Variants in AKNA observed in about 807,000 individuals in gnomAD.
The protein encoded by AKNA is AT-hook transcription factor, also known as microtubule organization protein AKNA.
Under a neutral mutation model 138.8 loss-of-function variants are expected in AKNA, and 67 were observed. The observed-to-expected ratio is 0.48, with a 90% CI of 0.40 to 0.59. The LOEUF is 0.59. Among genes scored for constraint, AKNA ranks in the 20% least tolerant of loss-of-function variants. AKNA has a pLI of 0.00. For synonymous variants in AKNA, 737 were observed against 754.4 expected (o/e 0.98, Z 0.38); for missense variants, 1,813 against 1,880.4 (o/e 0.96, Z 0.66).
chr9:114,356,646 T>C (rs924028326), intron 13 of AKNA, among the ~76,000 whole-genome samples: 2 of 152,224 alleles, frequency 1.3e-5, no homozygotes, highest in South Asian at 4.1e-4. Flanking sequence ...AGTCTGTCGC[T>C]AATTAGCTAT....
chr9:114,364,769 C>T, intron 6 of AKNA, 150 bp from the exon 7 acceptor site: 1 of 732,648 alleles, frequency 1.4e-6, no homozygotes, highest in South Asian at 1.7e-5. Context: ...GTGCTGGGAA[C>T]AGCTTCTACC....
At chr9:114,361,651 C>T (rs749958124) in intron 9 of AKNA, 53 bp downstream of exon 9, 269 of 1,586,842 alleles carry the variant, frequency 1.7e-4, no homozygotes, top group Non-Finnish European at 2.2e-4. Context: ...AATGAATTAA[C>T]GAAGAAATGA....
chr9:114,355,268 C>T (rs979502124), intron 14 of AKNA, among the ~76,000 whole-genome samples: 7 of 151,300 alleles, frequency 4.6e-5, no homozygotes, highest in Admixed American at 3.3e-4. Context: ...TTCCACCTCC[C>T]GGGTTCAAGC....
Position 114,350,974 on chromosome 9 carries a change from G to A in AKNA, c.3106C>T (p.Pro1036Ser), listed in dbSNP as rs1253643607. The A allele has an allele frequency of 1.2e-6, 2 of 1,613,522 alleles. No individual in the cohort carries two copies. Among genetic ancestry groups the A allele is most frequent in the East Asian group, 2.2e-5 (1 of 44,876 alleles). The change falls in exon 15 of 22, where the codon CCC becomes TCC. Residue 1036 changes from proline (P) to serine (S), a missense_variant. Pro to Ser is a moderately conservative substitution (Grantham distance 74). Transcript: ENST00000374088. The part of the protein sequence containing the change: ...FEGHKRISEQ[P>S]LPNKTISPPP... ...GGGCTGATTGTCTTGTTGGGAAGGG[G>A]CTGTTCAGAAATCCGTTTGTGCCCC...
chr9:114,397,805 C>G (rs1589051743), upstream of AKNA, among the ~76,000 whole-genome samples: 1 of 152,192 alleles, frequency 6.6e-6, no homozygotes, highest in Non-Finnish European at 1.5e-5. Context: ...CCGTTCAGTT[C>G]CTACCATTGT....
upstream of AKNA, among the ~76,000 whole-genome samples, chr9:114,390,543 C>T (rs925776722): frequency 2.0e-4 from 30 of 152,204 alleles, no homozygotes; most frequent in African/African-American, 7.2e-4. Flanking sequence ...CCTGGATCGG[C>T]CTTGCCTGGA....
chr9:114,334,594 C>G lies in AKNA; in HGVS notation c.*2460G>C, dbSNP rs766012585. Reference sequence around the variant, plus strand: ...GGTGGAGCCAAGCCCGAGGCACAGCCCACTCAGTGGCACAAGCCACAAAGG... The same window carrying G: ...GGTGGAGCCAAGCCCGAGGCACAGCGCACTCAGTGGCACAAGCCACAAAGG... On this transcript the variant is annotated 3_prime_UTR_variant, in exon 22 of 22. Transcript: ENST00000374088. 6.8e-6 allele frequency: 1 copy of G among 147,114 alleles called. No homozygotes were observed. The highest frequency in any genetic ancestry group is 1.5e-5 in the Non-Finnish European group (1 of 68,004). The allele number at this position is 147,114 out of a possible 1,614,324, so 9.1% of individuals were successfully genotyped here.
chr9:114,376,748 C>T lies in AKNA; in HGVS notation c.1059G>A (p.Gln353=). Reference sequence around the variant, plus strand: ...AGAAATCAGGGAGTGGGTAGTTCAACTGCCCCCGGCCATACTTGGGGGCAT... The same window carrying T: ...AGAAATCAGGGAGTGGGTAGTTCAATTGCCCCCGGCCATACTTGGGGGCAT... ...SSNAPKYGRG[Q]LNYPLPDFSK... is the part of the protein sequence containing the mutation. Residue 353 remains glutamine (Q), a synonymous_variant, in exon 3 of 22, where the codon CAG becomes CAA. Coordinates refer to ENST00000374088, the MANE Select transcript of AKNA (RefSeq NM_001317950.2). 6.2e-7 allele frequency: 1 copy of T among 1,612,654 alleles called. No individual in the cohort carries two copies. Among genetic ancestry groups the T allele is most frequent in the Non-Finnish European group, 8.5e-7 (1 of 1,179,200 alleles).
rs1350143773 is a variant in AKNA, at chr9:114,356,048, T to C, written c.2935A>G (p.Arg979Gly). ...YPKARGSLIP[R>G]RATEPSTPRS... ...GGTGTGCTGGGCTCTGTGGCTCTTC[T>C]GGGAATCAGAGAACCCCTGGCCTTG... The change falls in exon 14 of 22, where the codon AGA (arginine) becomes GGA (glycine). Residue 979 changes from arginine to glycine, a missense_variant. Coordinates refer to ENST00000374088, the MANE Select transcript of AKNA (RefSeq NM_001317950.2). 3.7e-6 allele frequency: 6 copies of C among 1,614,140 alleles called. No homozygotes were observed. The highest frequency in any genetic ancestry group is 5.1e-6 in the Non-Finnish European group (6 of 1,180,024).
intron 18 of AKNA, 54 bp downstream of exon 18, chr9:114,345,809 A>G: frequency 2.5e-5 from 39 of 1,566,430 alleles, no homozygotes; most frequent in Non-Finnish European, 3.4e-5. Flanking sequence ...ATAACAGAGG[A>G]GCCCCCGCTG....
chr9:114,391,757 G>C (rs1446421633), upstream of AKNA, among the ~76,000 whole-genome samples: 1 of 150,862 alleles, frequency 6.6e-6, no homozygotes, highest in African/African-American at 2.4e-5. Context: ...GGGAGGCTGA[G>C]GCAGGACAAT....
Position 114,377,235 on chromosome 9 carries a change from G to A in AKNA, c.572C>T (p.Pro191Leu), listed in dbSNP as rs1833303042. ...CCTTGCCGGGCTGAGTTCAACGGAT[G>A]GGTTGACCTCGGAATGTTCAGAAAG... ...DKLSEHSEVN[P>L]SVELSPARSW... Residue 191 changes from proline (P) to leucine (L), a missense_variant, in exon 3 of 22, where the codon CCA becomes CTA. Coordinates refer to ENST00000374088, the MANE Select transcript of AKNA (RefSeq NM_001317950.2). 3 of 1,614,192 alleles carry A rather than the reference G, an allele frequency of 1.9e-6. No homozygotes were observed. The highest frequency in any genetic ancestry group is 1.6e-4 in the Middle Eastern group (1 of 6,062).
intron 6 of AKNA, among the ~76,000 whole-genome samples, chr9:114,365,772 A>T (rs1832301870): frequency 6.6e-6 from 1 of 152,188 alleles, no homozygotes; most frequent in Non-Finnish European, 1.5e-5. Flanking sequence ...GAAATCTGGC[A>T]TGTGTTTCAT....
At chr9:114,362,585 T>C (rs1455960439) in intron 7 of AKNA, 52 bp from the exon 8 acceptor site, 2 of 1,582,696 alleles carry the variant, frequency 1.3e-6, no homozygotes, top group Non-Finnish European at 1.7e-6. Flanking sequence ...CCGCGGGGCC[T>C]GTCCCTGAAG....
intron 16 of AKNA, 65 bp downstream of exon 16, chr9:114,347,659 G>A: frequency 6.9e-7 from 1 of 1,442,466 alleles, no homozygotes; most frequent in Non-Finnish European, 9.1e-7. Context: ...GAGAGCCAGA[G>A]GCCAGCCAAG....
At chr9:114,368,341 T>C in intron 5 of AKNA, 98 bp downstream of exon 5, 1 of 1,268,362 alleles carries the variant, frequency 7.9e-7, no homozygotes, top group Non-Finnish European at 1.0e-6. Flanking sequence ...TCCCCTGGCC[T>C]GAGGCCAGCG....
chr9:114,352,801 A>G (rs911024982), intron 14 of AKNA, among the ~76,000 whole-genome samples: 3 of 151,114 alleles, frequency 2.0e-5, no homozygotes, highest in Admixed American at 1.3e-4. Context: ...CGTGCCTATA[A>G]TCCCAGCTTC....
At chr9:114,353,588 C>T (rs183373879) in intron 14 of AKNA, among the ~76,000 whole-genome samples, 61 of 152,242 alleles carry the variant, frequency 4.0e-4, no homozygotes, top group Admixed American at 1.1e-3. Flanking sequence ...AGTATAGTCA[C>T]GCATCACTTA....
chr9:114,339,443 T>C (rs1830197085), intron 21 of AKNA, among the ~76,000 whole-genome samples: 1 of 152,014 alleles, frequency 6.6e-6, no homozygotes, highest in South Asian at 2.1e-4. Context: ...CTATGTACTA[T>C]GGGCTTTCCA....
Sources: allele counts gnomAD v4.1 joint callset (sites outside exome capture counted in the v4.1 genomes callset), GRCh38; gene constraint gnomAD v4.1.1; transcripts MANE v1.5; gene names NCBI Gene and HGNC (gene_info 2026-07-23, HGNC 2026-07-21).